Variants in SUCLG2 observed in about 807,000 individuals in gnomAD.
SUCLG2 encodes succinate-CoA ligase GDP-forming subunit beta, also known as succinate--CoA ligase [GDP-forming] subunit beta, mitochondrial.
Under a neutral mutation model 47.9 loss-of-function variants are expected in SUCLG2, and 42 were observed. That is an observed-to-expected ratio of 0.88 (90% CI 0.69 to 1.14). The LOEUF is 1.14. Ranked by LOEUF, SUCLG2 falls within the 50% of genes most tolerant of loss-of-function variation. The pLI is 0.00. For synonymous variants in SUCLG2, 195 were observed against 197.3 expected (o/e 0.99, Z 0.10); for missense variants, 571 against 525.9 (o/e 1.09, Z -0.84).
At chr3:67,621,318 G>T (rs1242500992) in intron 1 of SUCLG2, among the ~76,000 whole-genome samples, 2 of 151,594 alleles carry the variant, frequency 1.3e-5, no homozygotes, top group Non-Finnish European at 2.9e-5. Context: ...TTAGATGTGG[G>T]TTTAAGGAAA....
chr3:67,458,920 C>T (rs1303664118), intron 9 of SUCLG2, among the ~76,000 whole-genome samples: 1 of 152,120 alleles, frequency 6.6e-6, no homozygotes, highest in Non-Finnish European at 1.5e-5. Context: ...GAAAGTCTTC[C>T]AACAAGAAAA....
rs543580058 is a variant in SUCLG2, at chr3:67,367,408, C to A, written c.1184-6640G>T. On this transcript the variant is annotated intron_variant, in intron 10 of 10. Coordinates refer to the SUCLG2 transcript ENST00000493112. ...GAGAAATGTGTAAAAGCATTTGTATCTTTTTAAATTTAATATATTTATCTA... is the reference window on the plus strand; with the variant it reads ...GAGAAATGTGTAAAAGCATTTGTATATTTTTAAATTTAATATATTTATCTA... Among the ~76,000 whole-genome samples the A allele has an allele frequency of 1.1e-4, 16 of 152,038 alleles. 1 individual carries two copies. Among genetic ancestry groups the A allele is most frequent in the Non-Finnish European group, 1.6e-4 (11 of 68,010 alleles).
intron 2 of SUCLG2, among the ~76,000 whole-genome samples, chr3:67,567,743 G>C (rs926915752): frequency 1.3e-5 from 2 of 151,972 alleles, no homozygotes; most frequent in African/African-American, 4.8e-5. Context: ...TTCCCCAGTT[G>C]AGCCAAAGTG....
intron 10 of SUCLG2, among the ~76,000 whole-genome samples, chr3:67,397,055 C>T (rs1702548204): frequency 6.6e-6 from 1 of 151,448 alleles, no homozygotes; most frequent in Admixed American, 6.6e-5. Flanking sequence ...GACAAACCCA[C>T]AGCCAATATC....
chr3:67,412,302 T>C (rs530732274), intron 9 of SUCLG2, among the ~76,000 whole-genome samples: 2 of 152,314 alleles, frequency 1.3e-5, no homozygotes, highest in Non-Finnish European at 2.9e-5. Context: ...CTCTCATCCA[T>C]GGTTAACCTT....
intron 9 of SUCLG2, among the ~76,000 whole-genome samples, chr3:67,431,171 T>C (rs964268993): frequency 6.6e-6 from 1 of 152,120 alleles, no homozygotes; most frequent in Admixed American, 6.5e-5. Context: ...TTTAGACCAA[T>C]ATCCCTGATG....
chr3:67,531,540 C>A (rs1181677870), intron 2 of SUCLG2, among the ~76,000 whole-genome samples: 1 of 152,170 alleles, frequency 6.6e-6, no homozygotes, highest in Non-Finnish European at 1.5e-5. Flanking sequence ...CATTTGACCT[C>A]CAGTCAAAGT....
chr3:67,537,396 A>G (rs562533370), intron 2 of SUCLG2, among the ~76,000 whole-genome samples: 1 of 152,324 alleles, frequency 6.6e-6, no homozygotes, highest in South Asian at 2.1e-4. Context: ...AAAGGACATG[A>G]ACTCATCCTT....
At chr3:67,442,007 T>C (rs1052224423) in intron 9 of SUCLG2, among the ~76,000 whole-genome samples, 1 of 148,956 alleles carries the variant, frequency 6.7e-6, no homozygotes, top group Non-Finnish European at 1.5e-5. Flanking sequence ...CTGTCTACTT[T>C]CTTTCTTTTT....
chr3:67,394,799 G>T (rs1431319550), intron 10 of SUCLG2, among the ~76,000 whole-genome samples: 4 of 151,754 alleles, frequency 2.6e-5, no homozygotes, highest in African/African-American at 7.3e-5. Flanking sequence ...ACAAAGGGAA[G>T]CCCATCAGAC....
chr3:67,525,261 G>A (rs9852077), intron 4 of SUCLG2, among the ~76,000 whole-genome samples: 3,536 of 152,166 alleles, frequency 0.023, 137 homozygotes, highest in African/African-American at 0.081. Context: ...AGATTTTTTC[G>A]TAAAGATAAA....
At chr3:67,393,247 C>G (rs1702436591) in intron 10 of SUCLG2, among the ~76,000 whole-genome samples, 2 of 152,252 alleles carry the variant, frequency 1.3e-5, no homozygotes, top group South Asian at 4.1e-4. Flanking sequence ...TGCAAGGGGT[C>G]AGGGAGTTCC....
intron 9 of SUCLG2, among the ~76,000 whole-genome samples, chr3:67,466,836 T>G (rs151236640): frequency 5.4e-4 from 83 of 152,316 alleles, no homozygotes; most frequent in Non-Finnish European, 1.0e-3. Flanking sequence ...CAGTAAGGTA[T>G]GAAATATTAC....
chr3:67,563,468 C>T (rs1162982151), intron 2 of SUCLG2, among the ~76,000 whole-genome samples: 1 of 152,054 alleles, frequency 6.6e-6, no homozygotes, highest in Non-Finnish European at 1.5e-5. Context: ...AAATATGATA[C>T]GTCCATAAAC....
At chr3:67,581,093 A>C (rs2107257719) in intron 2 of SUCLG2, among the ~76,000 whole-genome samples, 1 of 152,316 alleles carries the variant, frequency 6.6e-6, no homozygotes, top group African/African-American at 2.4e-5. Flanking sequence ...TAACACTTGG[A>C]TATCCAGTCA....
At chr3:67,479,614 T>A (rs1704858305) in intron 9 of SUCLG2, among the ~76,000 whole-genome samples, 1 of 151,990 alleles carries the variant, frequency 6.6e-6, no homozygotes, top group African/African-American at 2.4e-5. Context: ...CACTTATAAA[T>A]CAAGAGGCGG....
chr3:67,634,062 T>C (rs751231885), intron 1 of SUCLG2, among the ~76,000 whole-genome samples: 4 of 152,162 alleles, frequency 2.6e-5, no homozygotes, highest in Non-Finnish European at 5.9e-5. Context: ...AGCTGAAACA[T>C]CATGTCCCCA....
At chr3:67,468,261 G>A (rs1180458332) in intron 9 of SUCLG2, among the ~76,000 whole-genome samples, 1 of 152,198 alleles carries the variant, frequency 6.6e-6, no homozygotes, top group Non-Finnish European at 1.5e-5. Flanking sequence ...CATGGACCCT[G>A]TCTTCATGAA....
intron 1 of SUCLG2, among the ~76,000 whole-genome samples, chr3:67,632,094 TA>T (rs1269499953): frequency 6.6e-6 from 1 of 152,322 alleles, no homozygotes; most frequent in African/African-American, 2.4e-5. Context: ...ACTTCAAAGC[TA>T]AAAAGTTTCT....
Sources: allele counts gnomAD v4.1 joint callset (sites outside exome capture counted in the v4.1 genomes callset), GRCh38; gene constraint gnomAD v4.1.1; transcripts MANE v1.5; gene names NCBI Gene and HGNC (gene_info 2026-07-23, HGNC 2026-07-21).